FUT8: variants seen among roughly 807,000 people sequenced by gnomAD.
FUT8 encodes alpha-(1,6)-fucosyltransferase.
Under a neutral mutation model 71.3 loss-of-function variants are expected in FUT8, and 29 were observed. The observed-to-expected ratio is 0.41, with a 90% CI of 0.30 to 0.55. The LOEUF (loss-of-function observed/expected upper bound fraction) is 0.55, where lower values mean the gene tolerates loss of function less well. Ranked by LOEUF, FUT8 falls within the 20% of genes least tolerant of loss-of-function variation. The pLI is 0.34. For missense variants in FUT8, 544 were observed against 702.1 expected (o/e 0.77, Z 2.55); for synonymous variants, 254 against 239.3 (o/e 1.06, Z -0.57).
At position 65,661,340 on chromosome 14, in the gene FUT8, G is replaced by GC. The variant is rs1344272513; in HGVS notation, c.598-7901dup. Among the ~76,000 whole-genome samples the GC allele has an allele frequency of 2.6e-5, 4 of 152,202 alleles. No individual in the cohort carries two copies. In the East Asian group the frequency reaches 7.7e-4, roughly 29 times the overall value. ...AGGTCTCTTGAACCTGAACAGATTTGCCACCTGTTAATTTATTTTTATGAC... is the reference window on the plus strand; with the variant it reads ...AGGTCTCTTGAACCTGAACAGATTTGCCCACCTGTTAATTTATTTTTATGAC... On this transcript the variant is annotated intron_variant, in intron 6 of 10. Transcript: ENST00000673929.
At chr14:65,642,730 A>G (rs1890900560) in intron 6 of FUT8, among the ~76,000 whole-genome samples, 1 of 151,296 alleles carries the variant, frequency 6.6e-6, no homozygotes, top group Admixed American at 6.6e-5. Context: ...AGTGTGATTT[A>G]TCGTTCTTTT....
upstream of FUT8, among the ~76,000 whole-genome samples, chr14:65,408,359 T>G (rs2065095083): frequency 6.6e-6 from 1 of 152,162 alleles, no homozygotes; most frequent in Non-Finnish European, 1.5e-5. Flanking sequence ...CTGGTGGCTA[T>G]AGCTAGTCAG....
intron 1 of FUT8, among the ~76,000 whole-genome samples, chr14:65,439,954 G>GTGTGTACA: frequency 6.1e-4 from 46 of 74,976 alleles, no homozygotes; most frequent in African/African-American, 1.5e-3. Flanking sequence ...GTGTGTGTGT[G>GTGTGTACA]TATATATATA....
intron 6 of FUT8, among the ~76,000 whole-genome samples, chr14:65,656,163 A>G (rs1426504489): frequency 6.6e-6 from 1 of 152,116 alleles, no homozygotes; most frequent in Non-Finnish European, 1.5e-5. Flanking sequence ...GAAGAAATCA[A>G]TTTATTCTTG....
intron 1 of FUT8, among the ~76,000 whole-genome samples, chr14:65,428,049 G>A (rs1298086338): frequency 6.6e-6 from 1 of 152,154 alleles, no homozygotes; most frequent in Non-Finnish European, 1.5e-5. Flanking sequence ...TACTAGTAGT[G>A]TGTGCCACCA....
At chr14:65,429,352 AC>A (rs1459489878) in intron 1 of FUT8, among the ~76,000 whole-genome samples, 1 of 152,224 alleles carries the variant, frequency 6.6e-6, no homozygotes, top group Non-Finnish European at 1.5e-5. Flanking sequence ...CAGAGCAGAC[AC>A]TGGAGGAGGG....
chr14:65,488,285 A>G (rs925061849), intron 2 of FUT8: 3 of 152,180 alleles, frequency 2.0e-5, no homozygotes, highest in Non-Finnish European at 2.9e-5. Flanking sequence ...TTAAATTGCA[A>G]TTGCCTTTTT....
intron 6 of FUT8, among the ~76,000 whole-genome samples, chr14:65,642,345 G>C (rs980567826): frequency 7.2e-5 from 11 of 152,150 alleles, no homozygotes; most frequent in Non-Finnish European, 1.3e-4. Flanking sequence ...GCTCATGCCT[G>C]TAATCTCAGC....
the FUT8 span, among the ~76,000 whole-genome samples, chr14:65,368,821 C>A: frequency 6.6e-6 from 1 of 151,554 alleles, no homozygotes; most frequent in Non-Finnish European, 1.5e-5. Context: ...CGCGCCCGGC[C>A]TATTTTTTGT....
At chr14:65,519,753 T>C (rs1482893370) in intron 2 of FUT8, among the ~76,000 whole-genome samples, 2 of 152,188 alleles carry the variant, frequency 1.3e-5, no homozygotes, top group Non-Finnish European at 2.9e-5. Context: ...AACATTTACC[T>C]TTAATGTTTA....
Position 65,743,810 on chromosome 14 carries a change from CT to C in FUT8, c.*1402del, listed in dbSNP as rs1896613894. 1 of 151,796 alleles carries C rather than the reference CT, an allele frequency of 6.6e-6. No individual in the cohort carries two copies. Among genetic ancestry groups the C allele is most frequent in the Non-Finnish European group, 1.5e-5 (1 of 67,850 alleles). 9.4% of individuals were successfully genotyped at this position (151,796 alleles called of 1,614,324 possible). On this transcript the variant is annotated 3_prime_UTR_variant, in exon 11 of 11. Coordinates refer to ENST00000673929, the MANE Select transcript of FUT8 (RefSeq NM_001371533.1). ...ATTTTTCTCCTCATAAAAACACTTC[CT>C]TATTGTATGTAGCCTGCCTCCTACA...
chr14:65,414,457 CTG>C (rs1476306839), intron 1 of FUT8, among the ~76,000 whole-genome samples: 1 of 152,172 alleles, frequency 6.6e-6, no homozygotes, highest in Non-Finnish European at 1.5e-5. Context: ...GTTGTAGTCT[CTG>C]CTCTTTAAAA....
Position 65,434,514 on chromosome 14 carries a change from AG to A in FUT8, c.-325-21105del, listed in dbSNP as rs202142666. On this transcript the variant is annotated intron_variant, in intron 1 of 10. Coordinates refer to ENST00000673929, the MANE Select transcript of FUT8 (RefSeq NM_001371533.1). The stretch of plus-strand genomic sequence containing the variant: ...GTTGTTAACCAGAGAAATAGGGAAA[AG>A]GAATTTGAAGTAGCAAAAACAATGT... 7.7e-3 allele frequency among the ~76,000 whole-genome samples: 1,175 copies of A among 152,356 alleles called. 9 individuals are homozygous for A. The highest frequency in any genetic ancestry group is 0.024 in the African/African-American group (978 of 41,578).
chr14:65,520,839 T>A (rs1238485222), intron 2 of FUT8, among the ~76,000 whole-genome samples: 2 of 152,150 alleles, frequency 1.3e-5, no homozygotes, highest in Non-Finnish European at 2.9e-5. Flanking sequence ...GCATCAAGTT[T>A]CAAACAGTTT....
intron 1 of FUT8, among the ~76,000 whole-genome samples, chr14:65,422,419 G>GT (rs1344504406): frequency 6.6e-6 from 1 of 151,888 alleles, no homozygotes; most frequent in Non-Finnish European, 1.5e-5. Flanking sequence ...ACTAATGAAT[G>GT]TTTTTTATGG....
intron 3 of FUT8, among the ~76,000 whole-genome samples, chr14:65,570,377 A>G (rs1886404880): frequency 6.6e-6 from 1 of 150,854 alleles, no homozygotes; most frequent in Admixed American, 6.6e-5. Flanking sequence ...ACAGCTCTCT[A>G]ATGCCTTTAA....
intron 6 of FUT8, among the ~76,000 whole-genome samples, chr14:65,641,860 T>C (rs1401338033): frequency 6.6e-6 from 1 of 151,988 alleles, no homozygotes; most frequent in Non-Finnish European, 1.5e-5. Flanking sequence ...CTTCTGCCTA[T>C]TTTTTAATTG....
intron 1 of FUT8, among the ~76,000 whole-genome samples, chr14:65,445,665 A>G (rs1361587925): frequency 6.6e-6 from 1 of 152,272 alleles, no homozygotes; most frequent in African/African-American, 2.4e-5. Context: ...TGTCTACTTT[A>G]TAAGGCATTT....
At chr14:65,618,974 T>C (rs1209254776) in intron 5 of FUT8, among the ~76,000 whole-genome samples, 1 of 151,940 alleles carries the variant, frequency 6.6e-6, no homozygotes, top group East Asian at 1.9e-4. Context: ...TTTGACAGAG[T>C]GTGGGTACCC....
Sources: allele counts gnomAD v4.1 joint callset (sites outside exome capture counted in the v4.1 genomes callset), GRCh38; gene constraint gnomAD v4.1.1; transcripts MANE v1.5; gene names NCBI Gene and HGNC (gene_info 2026-07-23, HGNC 2026-07-21).